The following CUX1 variants were observed in gnomAD, a reference collection of about 807,000 sequenced individuals.
The protein encoded by CUX1 is cut like homeobox 1, also known as protein CASP.
A neutral mutation model predicts 158.8 loss-of-function variants in CUX1; 31 were observed. That is an observed-to-expected ratio of 0.20 (90% confidence interval 0.15 to 0.26). CUX1 has a LOEUF of 0.26. Among genes scored for constraint, CUX1 ranks in the 10% least tolerant of loss-of-function variants. The pLI, the probability that CUX1 is intolerant of heterozygous loss-of-function variation, is 1.00. For missense variants in CUX1, 1,589 were observed against 2,014.6 expected (o/e 0.79, Z 4.04); for synonymous variants, 879 against 862.1 (o/e 1.02, Z -0.34).
At chr7:102,125,810 T>TTTTTA (rs151126048) in intron 8 of CUX1, 5 of 151,390 alleles carry the variant, frequency 3.3e-5, no homozygotes, top group South Asian at 2.1e-4. Context: ...AGTCCTGCTG[T>TTTTTA]TTTTATTTTA....
intron 21 of CUX1, among the ~76,000 whole-genome samples, chr7:102,230,696 A>T (rs1038140531): frequency 6.6e-6 from 1 of 152,124 alleles, no homozygotes; most frequent in East Asian, 1.9e-4. Flanking sequence ...ATAAAAATGT[A>T]GCTGTTGATT....
intron 2 of CUX1, among the ~76,000 whole-genome samples, chr7:102,026,818 TAAAAA>T (rs10533217): frequency 3.1e-5 from 3 of 96,320 alleles, no homozygotes; most frequent in Admixed American, 1.3e-4. Context: ...ACTCCGTCTT[TAAAAA>T]AAAAAAAAAA....
At chr7:102,262,030 T>C (rs1790436342), downstream of CUX1, among the ~76,000 whole-genome samples, 1 of 152,136 alleles carries the variant, frequency 6.6e-6, no homozygotes, top group Non-Finnish European at 1.5e-5. Flanking sequence ...AAGGATCGCT[T>C]CAGCCCAGGA....
chr7:102,048,419 G>T (rs1290406478), intron 3 of CUX1, among the ~76,000 whole-genome samples: 1 of 152,190 alleles, frequency 6.6e-6, no homozygotes, highest in South Asian at 2.1e-4. Context: ...ACCGAACAGG[G>T]TCACTCGGTT....
intron 3 of CUX1, among the ~76,000 whole-genome samples, chr7:102,035,791 A>G (rs1327094415): frequency 1.3e-5 from 2 of 152,102 alleles, no homozygotes; most frequent in Non-Finnish European, 2.9e-5. Context: ...CAAGGAGAGA[A>G]ATTTCCACTA....
At chr7:102,162,000 G>A (rs1214485218) in intron 9 of CUX1, among the ~76,000 whole-genome samples, 1 of 152,156 alleles carries the variant, frequency 6.6e-6, no homozygotes, top group African/African-American at 2.4e-5. Context: ...ACAGGGAGGG[G>A]CTCTAACATA....
At chr7:102,121,957 C>A (rs1554493630) in intron 8 of CUX1, among the ~76,000 whole-genome samples, 1 of 152,100 alleles carries the variant, frequency 6.6e-6, no homozygotes, top group African/African-American at 2.4e-5. Context: ...GCCTCACAAG[C>A]CCCCGTTGTA....
intron 2 of CUX1, among the ~76,000 whole-genome samples, chr7:101,929,326 C>T (rs1806028498): frequency 6.6e-6 from 1 of 152,168 alleles, no homozygotes. Flanking sequence ...GTAATTTTCT[C>T]TCCTTTTGCA....
At chr7:102,243,674 T>TAATAAA (rs1563477976) in intron 23 of CUX1, among the ~76,000 whole-genome samples, 1 of 140,740 alleles carries the variant, frequency 7.1e-6, no homozygotes, top group Admixed American at 6.9e-5. Context: ...ATAATAATAA[T>TAATAAA]AATAAAATAA....
In CUX1 at chr7:101,860,522, G is replaced by A. The variant is rs144396067; in HGVS notation, c.30+42853G>A. On this transcript the variant is annotated intron_variant, in intron 1 of 23. Coordinates refer to ENST00000292535, the MANE Select transcript of CUX1 (RefSeq NM_181552.4). ...TGCTCTGTGGGGTCCCAGGGGAGAG[G>A]TGAGCTAAGTTCAGTGTGTCACCTG... Among the ~76,000 whole-genome samples the A allele has an allele frequency of 3.5e-3, 534 of 152,294 alleles. 6 individuals are homozygous for A. Among genetic ancestry groups the A allele is most frequent in the African/African-American group, 0.012 (513 of 41,560 alleles).
chr7:101,935,214 C>T (rs745682241), intron 2 of CUX1, among the ~76,000 whole-genome samples: 16 of 152,132 alleles, frequency 1.1e-4, no homozygotes, highest in Non-Finnish European at 1.9e-4. Context: ...TCAAAAGCTC[C>T]CCTACTGAGC....
At chr7:101,886,508 A>G (rs897595359) in intron 1 of CUX1, among the ~76,000 whole-genome samples, 2 of 151,932 alleles carry the variant, frequency 1.3e-5, no homozygotes, top group Non-Finnish European at 2.9e-5. Context: ...GCCGGCACCC[A>G]CCTTTTTGTG....
chr7:101,847,263 A>G (rs1246057171), intron 1 of CUX1, among the ~76,000 whole-genome samples: 3 of 151,614 alleles, frequency 2.0e-5, no homozygotes, highest in Non-Finnish European at 4.4e-5. Flanking sequence ...TTTTGGGGAA[A>G]CTCCTCTCCT....
chr7:102,168,839 A>G (rs1791348264), intron 9 of CUX1, among the ~76,000 whole-genome samples: 1 of 151,464 alleles, frequency 6.6e-6, no homozygotes, highest in Non-Finnish European at 1.5e-5. Context: ...ACACGCTGCC[A>G]TGCCACAAAA....
chr7:102,081,050 C>G (rs1242656437), intron 4 of CUX1, among the ~76,000 whole-genome samples: 1 of 152,190 alleles, frequency 6.6e-6, no homozygotes, highest in Non-Finnish European at 1.5e-5. Context: ...CCCATCACAG[C>G]AGAACTCCCC....
chr7:102,039,309 T>C (rs1469309676), intron 3 of CUX1, among the ~76,000 whole-genome samples: 1 of 152,010 alleles, frequency 6.6e-6, no homozygotes, highest in Admixed American at 6.6e-5. Flanking sequence ...ATCCCAGAAG[T>C]GCTAAGGTTG....
chr7:102,002,505 A>G (rs1465344224), intron 2 of CUX1, among the ~76,000 whole-genome samples: 1 of 152,100 alleles, frequency 6.6e-6, no homozygotes, highest in Non-Finnish European at 1.5e-5. Context: ...CTTTGTATAG[A>G]GATTGGGGCT....
chr7:101,953,608 AATG>A (rs1809376209), intron 2 of CUX1, among the ~76,000 whole-genome samples: 1 of 152,162 alleles, frequency 6.6e-6, no homozygotes. Context: ...GGTGGTGAGT[AATG>A]ATGTCTTAAG....
intron 2 of CUX1, among the ~76,000 whole-genome samples, chr7:101,969,196 G>A (rs1490377634): frequency 6.6e-6 from 1 of 151,562 alleles, no homozygotes; most frequent in Non-Finnish European, 1.5e-5. Flanking sequence ...TTAGCTGAGC[G>A]TGGTGGCGCA....
Sources: gnomAD v4.1 joint callset for allele counts (sites outside exome capture counted in the v4.1 genomes callset) on GRCh38, gnomAD v4.1.1 for gene constraint, MANE v1.5 for transcripts, NCBI Gene and HGNC (gene_info 2026-07-23, HGNC 2026-07-21) for gene names.